Variants in NDUFAF1 observed in about 807,000 individuals in gnomAD.
NDUFAF1 encodes complex I intermediate-associated protein 30, mitochondrial.
In NDUFAF1, 18 loss-of-function variants were observed where a neutral mutation model predicts 28.7. The ratio of observed to expected loss-of-function variants is 0.63; its 90% CI spans 0.43 to 0.93. NDUFAF1 has a LOEUF of 0.93. Among genes scored for constraint, NDUFAF1 ranks in the 40% least tolerant of loss-of-function variants. The probability of loss-of-function intolerance (pLI) is 0.00; values close to 1 mark genes in which losing one functional copy is unlikely to be tolerated. For synonymous variants in NDUFAF1, 113 were observed against 139.7 expected, an observed-to-expected ratio of 0.81 and a Z score of 1.35; for missense variants, 404 against 398.3, an observed-to-expected ratio of 1.01 and a Z score of -0.12.
chr15:41,395,658 C>G (rs1189994044), intron 2 of NDUFAF1, among the ~76,000 whole-genome samples: 2 of 143,008 alleles, frequency 1.4e-5, no homozygotes, highest in East Asian at 4.3e-4. Flanking sequence ...GCATGAGCCA[C>G]TGCGCCCGGC....
chr15:41,400,183 C>T (rs992809888), intron 1 of NDUFAF1, among the ~76,000 whole-genome samples: 2 of 151,790 alleles, frequency 1.3e-5, no homozygotes, highest in South Asian at 2.1e-4. Context: ...GCCAGCCTGA[C>T]CAACATGAAG....
chr15:41,400,561 C>T (rs986610171), intron 1 of NDUFAF1, among the ~76,000 whole-genome samples: 1 of 151,336 alleles, frequency 6.6e-6, no homozygotes, highest in Non-Finnish European at 1.5e-5. Context: ...CTCACTCTGT[C>T]ACCCAGGCTG....
chr15:41,396,488 C>G lies in NDUFAF1; in HGVS notation c.572G>C (p.Arg191Thr), dbSNP rs746853080. The change falls in exon 2 of 5, where the codon AGG becomes ACG. Residue 191 changes from arginine to threonine, a missense_variant and splice_region_variant. Arg to Thr is a moderately conservative substitution (Grantham distance 71). Transcript: ENST00000260361. ...CGATGGCTCCTGGGCCTCACCTACCCTTGGAATCCTGGATATCATTGCACA... is the reference window on the plus strand; with the variant it reads ...CGATGGCTCCTGGGCCTCACCTACCGTTGGAATCCTGGATATCATTGCACA... The part of the protein sequence containing the change: ...GYCAMISRIP[R>T]GAFERKMSYD... 4 of 1,614,122 alleles carry G rather than the reference C, an allele frequency of 2.5e-6. No homozygotes were observed. The highest frequency in any genetic ancestry group is 3.4e-6 in the Non-Finnish European group (4 of 1,180,024).
At chr15:41,398,440 C>T (rs938096999) in intron 1 of NDUFAF1, among the ~76,000 whole-genome samples, 1 of 147,708 alleles carries the variant, frequency 6.8e-6, no homozygotes, top group Admixed American at 6.8e-5. Context: ...GCCGAGATCA[C>T]GCCACTGCAC....
At chr15:41,390,746 T>C (rs2050306985) in intron 3 of NDUFAF1, among the ~76,000 whole-genome samples, 2 of 149,082 alleles carry the variant, frequency 1.3e-5, no homozygotes, top group African/African-American at 5.0e-5. Context: ...AAATAGTATT[T>C]TATCTGCTGG....
At chr15:41,402,820 C>T (rs1331674504), upstream of NDUFAF1, among the ~76,000 whole-genome samples, 1 of 150,786 alleles carries the variant, frequency 6.6e-6, no homozygotes, top group Non-Finnish European at 1.5e-5. Flanking sequence ...CAACCTCTGC[C>T]TCCCAGATTC....
intron 4 of NDUFAF1, among the ~76,000 whole-genome samples, 165 bp from the exon 5 acceptor site, chr15:41,387,758 C>G (rs1236574957): frequency 6.6e-6 from 1 of 152,140 alleles, no homozygotes; most frequent in African/African-American, 2.4e-5. Flanking sequence ...AGAGGAAATA[C>G]AAGACTGCTT....
In NDUFAF1 at chr15:41,396,727, G is replaced by A; in HGVS notation, c.333C>T (p.His111=). The A allele has an allele frequency of 6.2e-7, 1 of 1,614,108 alleles. No individual in the cohort carries two copies. Among genetic ancestry groups the A allele is most frequent in the South Asian group, 1.1e-5 (1 of 91,086 alleles). Residue 111 remains histidine (H), a synonymous_variant, in exon 2 of 5, where the codon CAC becomes CAT. Coordinates refer to ENST00000260361, the MANE Select transcript of NDUFAF1 (RefSeq NM_016013.4). The part of the protein sequence containing the change: ...IVDHWRGPEG[H]PLHEVLLEQA... ...GTTCCAGCAAGACCTCATGCAGAGG[G>A]TGGCCTTCCGGTCCTCTCCAATGAT...
At chr15:41,387,643 G>C (rs1283947052) in intron 4 of NDUFAF1, 50 bp from the exon 5 acceptor site, 1 of 1,482,618 alleles carries the variant, frequency 6.7e-7, no homozygotes, top group South Asian at 1.1e-5. Flanking sequence ...GTGACGTACT[G>C]AGATTATTCC....
chr15:41,395,694 G>A (rs1227956835), intron 2 of NDUFAF1, among the ~76,000 whole-genome samples: 55 of 83,538 alleles, frequency 6.6e-4, no homozygotes, highest in African/African-American at 2.3e-3. Flanking sequence ...TTTTTTTTGA[G>A]ACAAAGTTTC....
intron 3 of NDUFAF1, among the ~76,000 whole-genome samples, chr15:41,392,814 T>A (rs2050331659): frequency 6.6e-6 from 1 of 152,176 alleles, no homozygotes; most frequent in Admixed American, 6.6e-5. Flanking sequence ...TACATTTACA[T>A]GCTTACAAGC....
chr15:41,396,429 G>A, intron 2 of NDUFAF1, 58 bp downstream of exon 2: 1 of 1,508,294 alleles, frequency 6.6e-7, no homozygotes, highest in East Asian at 2.3e-5. Flanking sequence ...TATAGTTTAT[G>A]CTACAATGAA....
At chr15:41,395,140 A>C (rs2050368338) in intron 2 of NDUFAF1, 96 bp from the exon 3 acceptor site, 1 of 1,165,484 alleles carries the variant, frequency 8.6e-7, no homozygotes, top group African/African-American at 1.5e-5. Context: ...GGATGCACTA[A>C]CCATTTTTCT....
At chr15:41,399,820 C>T (rs561373454) in intron 1 of NDUFAF1, among the ~76,000 whole-genome samples, 1 of 135,408 alleles carries the variant, frequency 7.4e-6, no homozygotes, top group Non-Finnish European at 1.5e-5. Context: ...CCCGCCACTG[C>T]ACTCCAGCCT....
intron 1 of NDUFAF1, among the ~76,000 whole-genome samples, chr15:41,401,881 T>TA (rs1183223563): frequency 1.3e-5 from 2 of 152,228 alleles, no homozygotes. Context: ...CGGTTGCACT[T>TA]AAATGATTTT....
At chr15:41,392,816 C>T (rs2050331688) in intron 3 of NDUFAF1, among the ~76,000 whole-genome samples, 1 of 152,134 alleles carries the variant, frequency 6.6e-6, no homozygotes, top group Admixed American at 6.6e-5. Context: ...CATTTACATG[C>T]TTACAAGCAT....
chr15:41,397,078 T>C lies in NDUFAF1; in HGVS notation c.-19A>G, dbSNP rs535862725. ...AAGCCATGGTACAAAAAAATCAAAA[T>C]GTAAGTTTCTTCCTGGGCTAGCAAG... On this transcript the variant is annotated 5_prime_UTR_variant, in exon 2 of 5. Transcript: ENST00000260361. The C allele has an allele frequency of 2.5e-6, 4 of 1,611,416 alleles. No homozygotes were observed. In the East Asian group the frequency reaches 6.7e-5, roughly 27 times the overall value.
chr15:41,387,419 G>A lies in NDUFAF1; in HGVS notation c.*25C>T, dbSNP rs922553943. On this transcript the variant is annotated 3_prime_UTR_variant, in exon 5 of 5. Transcript: ENST00000260361. ...TGTAGATGCTAGTACCCTTAGATTA[G>A]TAAAACAAAACTACCATATGATCTT... 6.2e-7 allele frequency: 1 copy of A among 1,605,468 alleles called. No homozygotes were observed. Among genetic ancestry groups the A allele is most frequent in the African/African-American group, 1.3e-5 (1 of 74,774 alleles).
chr15:41,388,756 CTTTT>C (rs933548216), intron 3 of NDUFAF1, among the ~76,000 whole-genome samples: 1 of 141,488 alleles, frequency 7.1e-6, no homozygotes. Context: ...CTAAACACAG[CTTTT>C]TTTTTTTTTT....
Sources: gnomAD v4.1 joint callset for allele counts (sites outside exome capture counted in the v4.1 genomes callset) on GRCh38, gnomAD v4.1.1 for gene constraint, MANE v1.5 for transcripts, NCBI Gene and HGNC (gene_info 2026-07-23, HGNC 2026-07-21) for gene names.